Variants in ILRUN observed in about 807,000 individuals in gnomAD.
ILRUN encodes the protein protein ILRUN.
ILRUN carries 3 observed loss-of-function variants against 33.8 expected under a neutral mutation model. The ratio of observed to expected loss-of-function variants is 0.09; its 90% confidence interval spans 0.04 to 0.23. The LOEUF (loss-of-function observed/expected upper bound fraction) is 0.23. Among genes scored for constraint, ILRUN ranks in the 10% least tolerant of loss-of-function variants. The pLI is 1.00. For missense variants in ILRUN, 210 were observed against 375.1 expected, an observed-to-expected ratio of 0.56 and a Z score of 3.64; for synonymous variants, 124 against 138.9, an observed-to-expected ratio of 0.89 and a Z score of 0.75.
intron 4 of ILRUN, among the ~76,000 whole-genome samples, chr6:34,602,399 C>T (rs1174207768): frequency 2.6e-5 from 4 of 152,240 alleles, no homozygotes; most frequent in South Asian, 2.1e-4. Context: ...AAAAGGCATA[C>T]GTAACTTTAA....
At chr6:34,605,318 CAAAAAAAAAAAAA>C (rs78612898) in intron 4 of ILRUN, among the ~76,000 whole-genome samples, 6 of 74,136 alleles carry the variant, frequency 8.1e-5, no homozygotes, top group South Asian at 1.2e-3. Context: ...AAAACAAAAA[CAAAAAAAAAAAAA>C]AAAAAAAAAA....
chr6:34,696,350 G>C (rs1311302325), intron 1 of ILRUN, 96 bp downstream of exon 1: 5 of 1,346,404 alleles, frequency 3.7e-6, no homozygotes, highest in Non-Finnish European at 3.0e-6. Context: ...CTCAGTACCC[G>C]CCTGGCTCGC....
At chr6:34,658,573 G>A (rs564299307) in intron 1 of ILRUN, among the ~76,000 whole-genome samples, 116 of 150,130 alleles carry the variant, frequency 7.7e-4, no homozygotes, top group African/African-American at 2.7e-3. Flanking sequence ...TTGGGAGGCC[G>A]AGGCGGGCAG....
chr6:34,617,094 C>T (rs1761908625), intron 3 of ILRUN: 1 of 533,696 alleles, frequency 1.9e-6, no homozygotes, highest in Admixed American at 1.9e-5. Context: ...ATCATGAGAT[C>T]TATACTGTTG....
intron 1 of ILRUN, among the ~76,000 whole-genome samples, chr6:34,676,476 C>CTAGCTAGA (rs1187073415): frequency 7.0e-6 from 1 of 141,864 alleles, no homozygotes; most frequent in African/African-American, 2.7e-5. Flanking sequence ...AGCTAGCTAG[C>CTAGCTAGA]TAGATAGGTA....
intron 1 of ILRUN, among the ~76,000 whole-genome samples, chr6:34,673,206 T>TA (rs1315670415): frequency 6.6e-6 from 1 of 151,816 alleles, no homozygotes; most frequent in Non-Finnish European, 1.5e-5. Flanking sequence ...TCAGGAAGCT[T>TA]AAAAAAAATT....
At chr6:34,672,170 T>G (rs1449988603) in intron 1 of ILRUN, among the ~76,000 whole-genome samples, 1 of 151,752 alleles carries the variant, frequency 6.6e-6, no homozygotes, top group African/African-American at 2.4e-5. Context: ...TGGCACAATC[T>G]CAGCTCATTT....
chr6:34,695,388 G>C (rs73413875), intron 1 of ILRUN, among the ~76,000 whole-genome samples: 4,710 of 152,300 alleles, frequency 0.031, 198 homozygotes, highest in African/African-American at 0.09. Context: ...CGTCTCCACT[G>C]CAACTCTGCC....
At chr6:34,663,087 C>T (rs928737689) in intron 1 of ILRUN, among the ~76,000 whole-genome samples, 4 of 151,648 alleles carry the variant, frequency 2.6e-5, no homozygotes, top group Admixed American at 2.0e-4. Context: ...GAGTGAGATC[C>T]TGTCTCAAAA....
chr6:34,676,438 C>CTAGATAGATAGATAGATA (rs1370771807), intron 1 of ILRUN, among the ~76,000 whole-genome samples: 16 of 150,814 alleles, frequency 1.1e-4, no homozygotes, highest in South Asian at 4.2e-4. Flanking sequence ...AGCTAGCTAG[C>CTAGATAGATAGATAGATA]TAGCTAGATA....
intron 3 of ILRUN, among the ~76,000 whole-genome samples, chr6:34,640,933 G>T (rs537913725): frequency 6.6e-6 from 1 of 151,732 alleles, no homozygotes; most frequent in Admixed American, 6.6e-5. Flanking sequence ...ACAAAAATTA[G>T]CCGGGCATGG....
chr6:34,637,919 C>T (rs1305369699), intron 3 of ILRUN, among the ~76,000 whole-genome samples: 1 of 146,204 alleles, frequency 6.8e-6, no homozygotes, highest in Non-Finnish European at 1.5e-5. Flanking sequence ...CTGGGTCTCA[C>T]TCTGTCACCC....
intron 4 of ILRUN, among the ~76,000 whole-genome samples, chr6:34,598,065 G>A (rs187719833): frequency 6.6e-6 from 1 of 152,212 alleles, no homozygotes; most frequent in African/African-American, 2.4e-5. Context: ...TCACATCTAC[G>A]TTATCAGATA....
chr6:34,684,997 A>G (rs1192436197), intron 1 of ILRUN, among the ~76,000 whole-genome samples: 1 of 152,206 alleles, frequency 6.6e-6, no homozygotes, highest in African/African-American at 2.4e-5. Flanking sequence ...GTGATTTAGA[A>G]AGACTGATCT....
At chr6:34,687,705 A>C (rs1014559364) in intron 1 of ILRUN, among the ~76,000 whole-genome samples, 1 of 141,490 alleles carries the variant, frequency 7.1e-6, no homozygotes, top group Non-Finnish European at 1.5e-5. Flanking sequence ...CTCCAAAAAA[A>C]AAAATATATA....
chr6:34,643,831 T>C (rs1762518657), intron 3 of ILRUN, among the ~76,000 whole-genome samples: 1 of 152,170 alleles, frequency 6.6e-6, no homozygotes, highest in African/African-American at 2.4e-5. Context: ...GCCTCCCGAG[T>C]AGCTGGGATT....
chr6:34,655,797 A>G (rs538916301), intron 1 of ILRUN, among the ~76,000 whole-genome samples: 1 of 152,318 alleles, frequency 6.6e-6, no homozygotes, highest in East Asian at 1.9e-4. Context: ...TGGTCCCACC[A>G]AGAATATAAG....
chr6:34,642,388 CAAT>C (rs1762491006), intron 3 of ILRUN, among the ~76,000 whole-genome samples: 2 of 152,144 alleles, frequency 1.3e-5, no homozygotes, highest in Admixed American at 1.3e-4. Context: ...ACTTTCCAAT[CAAT>C]GGGTACCAAA....
At chr6:34,610,801 C>CAT (rs1761732273) in intron 3 of ILRUN, among the ~76,000 whole-genome samples, 1 of 152,216 alleles carries the variant, frequency 6.6e-6, no homozygotes, top group South Asian at 2.1e-4. Context: ...AGCTACAGGT[C>CAT]ATATGCTTCA....
Sources: allele counts gnomAD v4.1 joint callset (sites outside exome capture counted in the v4.1 genomes callset), GRCh38; gene constraint gnomAD v4.1.1; transcripts MANE v1.5; gene names NCBI Gene and HGNC (gene_info 2026-07-23, HGNC 2026-07-21).